TAOK3: variants seen among roughly 807,000 people sequenced by gnomAD.
The protein encoded by TAOK3 is serine/threonine-protein kinase TAO3.
In TAOK3, 40 loss-of-function variants were observed where a neutral mutation model predicts 120.4. That is an observed-to-expected ratio of 0.33 (90% CI 0.26 to 0.43). The LOEUF (loss-of-function observed/expected upper bound fraction) is 0.43, where lower values mean the gene tolerates loss of function less well. Among genes scored for constraint, TAOK3 ranks in the 20% least tolerant of loss-of-function variants. TAOK3 has a pLI of 1.00. For missense variants in TAOK3, 821 were observed against 1,112.1 expected (o/e 0.74, Z 3.72); for synonymous variants, 355 against 387.5 (o/e 0.92, Z 0.99).
At chr12:118,338,641 C>G (rs752434931) in intron 1 of TAOK3, among the ~76,000 whole-genome samples, 1 of 151,812 alleles carries the variant, frequency 6.6e-6, no homozygotes, top group Non-Finnish European at 1.5e-5. Context: ...CAAAAATTAG[C>G]CAGGCGTGGT....
chr12:118,273,121 C>T (rs1234664092), intron 1 of TAOK3, among the ~76,000 whole-genome samples: 2 of 152,002 alleles, frequency 1.3e-5, no homozygotes, highest in Non-Finnish European at 2.9e-5. Context: ...GTTACTATTC[C>T]TCCCAAGGAT....
At chr12:118,230,694 C>T (rs1236770382) in intron 9 of TAOK3, among the ~76,000 whole-genome samples, 1 of 152,016 alleles carries the variant, frequency 6.6e-6, no homozygotes, top group African/African-American at 2.4e-5. Context: ...TGGTCTCGAT[C>T]TCCTGACCTC....
intron 1 of TAOK3, among the ~76,000 whole-genome samples, chr12:118,368,855 A>G (rs1351739045): frequency 6.6e-6 from 1 of 150,980 alleles, no homozygotes; most frequent in Non-Finnish European, 1.5e-5. Flanking sequence ...AAAGAAAATA[A>G]AAAGTTTAAA....
At chr12:118,288,915 CAAAAAAAAA>C (rs34740967) in intron 1 of TAOK3, among the ~76,000 whole-genome samples, 5 of 94,218 alleles carry the variant, frequency 5.3e-5, no homozygotes, top group African/African-American at 2.0e-4. Flanking sequence ...GACTCTATCT[CAAAAAAAAA>C]AAAAAAAAAA....
chr12:118,327,919 T>G (rs943398761), intron 1 of TAOK3, among the ~76,000 whole-genome samples: 1 of 152,212 alleles, frequency 6.6e-6, no homozygotes, highest in African/African-American at 2.4e-5. Context: ...ACCCTTTTTC[T>G]TATTTTCAGA....
intron 9 of TAOK3, among the ~76,000 whole-genome samples, chr12:118,225,699 T>G (rs2039468221): frequency 6.6e-6 from 1 of 152,212 alleles, no homozygotes. Flanking sequence ...CTGCCAACTA[T>G]AAGAGGCTGT....
In TAOK3 at chr12:118,150,821, G is replaced by T. The variant is rs957070840; in HGVS notation, c.*176C>A. On this transcript the variant is annotated 3_prime_UTR_variant, in exon 21 of 21. Transcript: ENST00000392533. ...AAAGTTGACACGGGGGGAGGAAGGG[G>T]GCCCCTGATGGAGTAAGAATAAACA... The T allele has an allele frequency of 4.2e-6, 3 of 710,248 alleles. No homozygotes were observed. The highest frequency in any genetic ancestry group is 6.6e-6 in the Non-Finnish European group (3 of 451,724). 44.0% of individuals were successfully genotyped at this position (710,248 alleles called of 1,614,324 possible). A position where few individuals can be genotyped will look rare whatever the true frequency, so the allele number is the denominator to read the frequency against.
chr12:118,276,994 G>A (rs1328161497), intron 1 of TAOK3, among the ~76,000 whole-genome samples: 1 of 152,246 alleles, frequency 6.6e-6, no homozygotes, highest in Non-Finnish European at 1.5e-5. Flanking sequence ...AACAGAGTGA[G>A]AGACTCCGTC....
chr12:118,218,602 G>C (rs553358858), intron 9 of TAOK3, among the ~76,000 whole-genome samples: 1 of 152,202 alleles, frequency 6.6e-6, no homozygotes, highest in African/African-American at 2.4e-5. Context: ...GTTCAGACTT[G>C]TATAGACATT....
At chr12:118,232,735 G>T (rs999028351) in intron 9 of TAOK3, among the ~76,000 whole-genome samples, 4 of 151,950 alleles carry the variant, frequency 2.6e-5, no homozygotes, top group African/African-American at 9.7e-5. Flanking sequence ...GCAAAACCCT[G>T]TCTCTACTAA....
chr12:118,320,540 C>A (rs962211241), intron 1 of TAOK3, among the ~76,000 whole-genome samples: 1 of 152,098 alleles, frequency 6.6e-6, no homozygotes, highest in East Asian at 1.9e-4. Flanking sequence ...TTTATAGCCA[C>A]TGCTAACATT....
intron 1 of TAOK3, among the ~76,000 whole-genome samples, chr12:118,351,558 A>G (rs1182713589): frequency 2.0e-5 from 3 of 152,222 alleles, no homozygotes; most frequent in Non-Finnish European, 4.4e-5. Flanking sequence ...TTGCATTTTA[A>G]AAGTTTTCAT....
chr12:118,330,826 A>G (rs78204530), intron 1 of TAOK3, among the ~76,000 whole-genome samples: 8,869 of 152,024 alleles, frequency 0.058, 616 homozygotes, highest in African/African-American at 0.16. Context: ...ATCTCAGTGA[A>G]CGATGATCCT....
intron 1 of TAOK3, among the ~76,000 whole-genome samples, chr12:118,357,010 A>G (rs1199334472): frequency 6.6e-6 from 1 of 152,222 alleles, no homozygotes; most frequent in Non-Finnish European, 1.5e-5. Flanking sequence ...TTAATAGAAT[A>G]TCCAGTGACC....
chr12:118,318,184 A>T (rs1362066270), intron 1 of TAOK3, among the ~76,000 whole-genome samples: 2 of 144,070 alleles, frequency 1.4e-5, no homozygotes, highest in African/African-American at 5.2e-5. Context: ...TTTTAGATGG[A>T]GTCTTGCTCT....
chr12:118,352,597 C>T lies in TAOK3; in HGVS notation c.-194+20051G>A, dbSNP rs1235172238. Among the ~76,000 whole-genome samples the T allele has an allele frequency of 2.6e-5, 4 of 152,044 alleles. No individual in the cohort carries two copies. In the East Asian group the frequency reaches 5.8e-4, roughly 22 times the overall value. Reference sequence around the variant, plus strand: ...AAACATATCAATCTGTAACCAATTACAAAACTGTCTTCATTTGTCTCACAT... The same window carrying T: ...AAACATATCAATCTGTAACCAATTATAAAACTGTCTTCATTTGTCTCACAT... On this transcript the variant is annotated intron_variant, in intron 1 of 20. Coordinates refer to ENST00000392533, the MANE Select transcript of TAOK3 (RefSeq NM_016281.4).
rs1174872537 is a variant in TAOK3 at position 118,371,549 on chromosome 12, G to C, written c.-194+1099C>G. Reference sequence around the variant, plus strand: ...TCCGGAGTCCCCCGGAGTCCCGGGGGCTCACACTCCACCCTCAGGGAGGTC... The same window carrying C: ...TCCGGAGTCCCCCGGAGTCCCGGGGCCTCACACTCCACCCTCAGGGAGGTC... On this transcript the variant is annotated intron_variant, in intron 1 of 20. Transcript: ENST00000392533. This position sits in a 1 kb window ranked among gnomAD's most constrained non-coding sequence, Gnocchi z 5.5. Among the ~76,000 whole-genome samples, 1 of 152,040 alleles carries C rather than the reference G, an allele frequency of 6.6e-6. No individual in the cohort carries two copies. The highest frequency in any genetic ancestry group is 1.5e-5 in the Non-Finnish European group (1 of 67,974).
intron 20 of TAOK3, among the ~76,000 whole-genome samples, chr12:118,151,986 T>G (rs570094247): frequency 6.6e-6 from 1 of 152,244 alleles, no homozygotes; most frequent in South Asian, 2.1e-4. Flanking sequence ...CTGGGAACGT[T>G]GAGGGTTTCC....
At chr12:118,322,312 CAA>C (rs372010412) in intron 1 of TAOK3, among the ~76,000 whole-genome samples, 53 of 65,866 alleles carry the variant, frequency 8.0e-4, no homozygotes, top group Non-Finnish European at 1.2e-3. Context: ...GAGACTGTCT[CAA>C]AAAAAAAAAA....
Sources: allele counts gnomAD v4.1 joint callset (sites outside exome capture counted in the v4.1 genomes callset), GRCh38; gene constraint gnomAD v4.1.1; non-coding constraint Gnocchi (gnomAD v3.1); transcripts MANE v1.5; gene names NCBI Gene and HGNC (gene_info 2026-07-23, HGNC 2026-07-21).